The following SNX8 variants were observed in gnomAD, a reference collection of about 807,000 sequenced individuals.
SNX8 encodes sorting nexin-8.
Under a neutral mutation model 51.6 loss-of-function variants are expected in SNX8, and 25 were observed. The observed-to-expected ratio is 0.48, with a 90% CI of 0.35 to 0.68. The LOEUF (loss-of-function observed/expected upper bound fraction) is 0.68, where lower values mean the gene tolerates loss of function less well. SNX8 is among the 30% of genes least tolerant of loss of function. SNX8 has a pLI of 0.00. For synonymous variants in SNX8, 324 were observed against 277.0 expected (o/e 1.17, Z -1.68); for missense variants, 695 against 624.0 (o/e 1.11, Z -1.21).
At chr7:2,300,704 G>A (rs1468756450) in intron 1 of SNX8, among the ~76,000 whole-genome samples, 3 of 151,912 alleles carry the variant, frequency 2.0e-5, no homozygotes, top group Non-Finnish European at 4.4e-5. Flanking sequence ...GTGCAGTGGT[G>A]CAATCTTGGC....
intron 1 of SNX8, among the ~76,000 whole-genome samples, chr7:2,279,931 GC>G (rs1182336764): frequency 6.6e-6 from 1 of 152,144 alleles, no homozygotes; most frequent in Non-Finnish European, 1.5e-5. Context: ...TTTCTCTAGA[GC>G]CAAGAGAACA....
intron 1 of SNX8, among the ~76,000 whole-genome samples, chr7:2,302,425 G>A (rs1282731814): frequency 6.6e-6 from 1 of 152,248 alleles, no homozygotes; most frequent in African/African-American, 2.4e-5. Context: ...CCAGGCTGGA[G>A]TGCAGTGGTG....
intron 1 of SNX8, among the ~76,000 whole-genome samples, chr7:2,345,467 C>T (rs1448837104): frequency 6.6e-6 from 1 of 152,040 alleles, no homozygotes; most frequent in East Asian, 1.9e-4. Context: ...CACCTGAGGT[C>T]AGGAGTTCAA....
intron 1 of SNX8, among the ~76,000 whole-genome samples, chr7:2,320,087 GGCTCAC>G (rs1253617243): frequency 1.3e-5 from 2 of 152,168 alleles, no homozygotes; most frequent in Non-Finnish European, 2.9e-5. Flanking sequence ...CCAGGCACAT[GGCTCAC>G]GCCTGTAATC....
chr7:2,255,380 A>C (rs540330541), intron 10 of SNX8, among the ~76,000 whole-genome samples: 1 of 152,350 alleles, frequency 6.6e-6, no homozygotes, highest in Admixed American at 6.5e-5. Flanking sequence ...CTGTGGTCAC[A>C]GACACCCACG....
intron 1 of SNX8, among the ~76,000 whole-genome samples, chr7:2,309,137 C>G (rs1362851159): frequency 6.6e-6 from 1 of 152,128 alleles, no homozygotes; most frequent in Non-Finnish European, 1.5e-5. Flanking sequence ...ATTGCCCAGG[C>G]TGGCCTCAAA....
chr7:2,295,429 G>C (rs1796250215), intron 1 of SNX8, among the ~76,000 whole-genome samples: 1 of 149,028 alleles, frequency 6.7e-6, no homozygotes, highest in Non-Finnish European at 1.5e-5. Context: ...AAGAGGCCAG[G>C]CACGGAGGCA....
At chr7:2,314,286 G>A (rs1796716997) in intron 1 of SNX8, 42 bp downstream of exon 1, 3 of 1,217,162 alleles carry the variant, frequency 2.5e-6, no homozygotes, top group Non-Finnish European at 3.1e-6. Context: ...GTCGGGCCGC[G>A]CGCCCTGGGC....
intron 3 of SNX8, among the ~76,000 whole-genome samples, chr7:2,274,806 G>A (rs1795736729): frequency 6.6e-6 from 1 of 152,096 alleles, no homozygotes; most frequent in Non-Finnish European, 1.5e-5. Context: ...CGGGAGCCCT[G>A]GCCACTGCAC....
chr7:2,313,171 T>C (rs1011449834), intron 1 of SNX8, among the ~76,000 whole-genome samples: 2 of 151,796 alleles, frequency 1.3e-5, no homozygotes, highest in Non-Finnish European at 2.9e-5. Context: ...AGTGCTGAGA[T>C]TACAAGCGTG....
intron 1 of SNX8, among the ~76,000 whole-genome samples, chr7:2,300,640 T>C (rs914982585): frequency 6.6e-6 from 1 of 151,168 alleles, no homozygotes; most frequent in Non-Finnish European, 1.5e-5. Context: ...GGTCTTTTTT[T>C]CTTTTTTTTT....
intron 10 of SNX8, among the ~76,000 whole-genome samples, chr7:2,255,914 G>A (rs1226951740): frequency 6.6e-6 from 1 of 152,246 alleles, no homozygotes; most frequent in East Asian, 1.9e-4. Context: ...CCAGAGAAGG[G>A]CAGGGCGCAC....
chr7:2,264,757 CA>C (rs1293515547), intron 5 of SNX8, among the ~76,000 whole-genome samples: 1 of 152,188 alleles, frequency 6.6e-6, no homozygotes, highest in Admixed American at 6.5e-5. Context: ...CAAATAAGGC[CA>C]GGGGCAGTCA....
chr7:2,285,381 T>C (rs1263973129), intron 1 of SNX8, among the ~76,000 whole-genome samples: 3 of 152,090 alleles, frequency 2.0e-5, no homozygotes, highest in Admixed American at 2.0e-4. Flanking sequence ...AGAGCGAGAC[T>C]CAGTCTCAAA....
rs1182123372 is a variant in SNX8, at chr7:2,252,675, C to G, written c.*2381G>C. ...CCTCCCACCCCTGCCTTCCTGCCCC[C>G]CCACCTCCCTCCTGCCTTCCCACCC... is the stretch of plus-strand genomic sequence containing the variant. On this transcript the variant is annotated 3_prime_UTR_variant, in exon 11 of 11. Coordinates refer to ENST00000222990, the MANE Select transcript of SNX8 (RefSeq NM_013321.4). 2 of 138,872 alleles carry G rather than the reference C, an allele frequency of 1.4e-5. No individual in the cohort carries two copies. The highest frequency in any genetic ancestry group is 3.2e-5 in the Non-Finnish European group (2 of 63,302). 8.6% of individuals were successfully genotyped at this position (138,872 alleles called of 1,614,324 possible). A position where few individuals can be genotyped will look rare whatever the true frequency, so the allele number is the denominator to read the frequency against.
Position 2,275,178 on chromosome 7 carries a change from C to G in SNX8, c.352G>C (p.Glu118Gln), listed in dbSNP as rs778255441. 3.7e-6 allele frequency: 6 copies of G among 1,614,060 alleles called. No individual in the cohort carries two copies. Among genetic ancestry groups the G allele is most frequent in the Non-Finnish European group, 4.2e-6 (5 of 1,180,018 alleles). Reference protein sequence around the residue: ...RRYNDFVVFQEMLLHKFPYRM... With the variant: ...RRYNDFVVFQQMLLHKFPYRM... Reference sequence around the variant, plus strand: ...TAGGGGAACTTGTGCAGGAGCATCTCCTGGAAGACCACGAAGTCATTGTAC... The same window carrying G: ...TAGGGGAACTTGTGCAGGAGCATCTGCTGGAAGACCACGAAGTCATTGTAC... Residue 118 changes from glutamate to glutamine, a missense_variant, in exon 3 of 11, where the codon GAG becomes CAG. Glu to Gln is a conservative substitution (Grantham distance 29, BLOSUM62 2). Coordinates refer to ENST00000222990, the MANE Select transcript of SNX8 (RefSeq NM_013321.4).
intron 1 of SNX8, among the ~76,000 whole-genome samples, chr7:2,291,714 C>T (rs1421606717): frequency 1.3e-5 from 2 of 152,176 alleles, no homozygotes; most frequent in African/African-American, 2.4e-5. Flanking sequence ...TCAGTTCAAA[C>T]CCCACTTCAA....
intron 1 of SNX8, among the ~76,000 whole-genome samples, chr7:2,284,744 A>G (rs1048050903): frequency 6.6e-6 from 1 of 151,952 alleles, no homozygotes; most frequent in Admixed American, 6.6e-5. Context: ...AGAATGAAAA[A>G]CGACAAGTCA....
intron 1 of SNX8, among the ~76,000 whole-genome samples, chr7:2,304,700 T>A (rs531360278): frequency 6.6e-6 from 1 of 152,248 alleles, no homozygotes; most frequent in East Asian, 1.9e-4. Flanking sequence ...CCTCCTTTCC[T>A]ATCTAGCCAA....
Sources: gnomAD v4.1 joint callset for allele counts (sites outside exome capture counted in the v4.1 genomes callset) on GRCh38, gnomAD v4.1.1 for gene constraint, MANE v1.5 for transcripts, NCBI Gene and HGNC (gene_info 2026-07-23, HGNC 2026-07-21) for gene names.